COP1: variants seen among roughly 807,000 people sequenced by gnomAD.
COP1 encodes the protein COP1 E3 ubiquitin ligase.
COP1 carries 24 observed loss-of-function variants against 101.3 expected under a neutral mutation model. The observed-to-expected ratio is 0.24, with a 90% CI of 0.17 to 0.33. The LOEUF is 0.33. Ranked by LOEUF, COP1 falls within the 10% of genes least tolerant of loss-of-function variation. The probability of loss-of-function intolerance (pLI) is 1.00; values close to 1 mark genes in which losing one functional copy is unlikely to be tolerated. For synonymous variants in COP1, 347 were observed against 341.9 expected (o/e 1.01, Z -0.17); for missense variants, 663 against 906.2 (o/e 0.73, Z 3.45).
intron 14 of COP1, among the ~76,000 whole-genome samples, chr1:176,029,591 C>T (rs1329328685): frequency 6.6e-6 from 1 of 152,132 alleles, no homozygotes; most frequent in Non-Finnish European, 1.5e-5. Context: ...GTGTCCCATC[C>T]AGGACATTAT....
intron 14 of COP1, among the ~76,000 whole-genome samples, chr1:176,035,188 T>C (rs555694241): frequency 4.0e-5 from 6 of 151,882 alleles, no homozygotes; most frequent in Non-Finnish European, 8.8e-5. Flanking sequence ...TTATACTCCA[T>C]GGGGTAAAAA....
intron 15 of COP1, among the ~76,000 whole-genome samples, chr1:176,005,911 T>C (rs1663063053): frequency 6.6e-6 from 1 of 152,118 alleles, no homozygotes; most frequent in Admixed American, 6.5e-5. Flanking sequence ...CCTTGTTGAC[T>C]TTCTGTCTCG....
chr1:176,033,660 T>TGAA (rs1351479516), intron 14 of COP1, among the ~76,000 whole-genome samples: 1 of 152,204 alleles, frequency 6.6e-6, no homozygotes, highest in Admixed American at 6.5e-5. Flanking sequence ...AATTCCTTTC[T>TGAA]GATTAGCTGC....
At chr1:175,986,023 G>T (rs1455232823) in intron 18 of COP1, among the ~76,000 whole-genome samples, 3 of 151,950 alleles carry the variant, frequency 2.0e-5, no homozygotes, top group African/African-American at 4.8e-5. Context: ...ATAGTAACAA[G>T]AATTATTATT....
rs569164827 is a variant in COP1, at chr1:175,992,354, G to A, written c.1730-2875C>T. 2.6e-5 allele frequency among the ~76,000 whole-genome samples: 4 copies of A among 152,334 alleles called. No homozygotes were observed. In the South Asian group the frequency reaches 8.3e-4, roughly 32 times the overall value. On this transcript the variant is annotated intron_variant, in intron 15 of 19. Transcript: ENST00000367669. ...GGGTGATTTTGCATTTCCATCTGAG[G>A]TACCAGGTTCATCTCACTAGGGAGT...
chr1:175,993,734 T>A (rs1325115658), intron 15 of COP1, among the ~76,000 whole-genome samples: 1 of 152,130 alleles, frequency 6.6e-6, no homozygotes, highest in East Asian at 1.9e-4. Context: ...CCAAGAAATA[T>A]GCGACTATGT....
chr1:176,123,561 C>G (rs945871837), intron 8 of COP1, among the ~76,000 whole-genome samples: 1 of 152,058 alleles, frequency 6.6e-6, no homozygotes, highest in Non-Finnish European at 1.5e-5. Flanking sequence ...ATGGAATTAA[C>G]AGGGAATGGC....
chr1:176,128,964 G>A (rs745662630), intron 8 of COP1, among the ~76,000 whole-genome samples: 5 of 151,820 alleles, frequency 3.3e-5, no homozygotes, highest in Non-Finnish European at 5.9e-5. Flanking sequence ...TATATAAAGA[G>A]TCATCCCTGT....
chr1:176,200,604 CTA>C (rs10537543), intron 1 of COP1, among the ~76,000 whole-genome samples: 1,886 of 152,296 alleles, frequency 0.012, 35 homozygotes, highest in African/African-American at 0.043. Flanking sequence ...CTACTGCATT[CTA>C]TGTTTCACTT....
intron 11 of COP1, among the ~76,000 whole-genome samples, chr1:176,060,494 A>G (rs1674646464): frequency 6.6e-6 from 1 of 152,252 alleles, no homozygotes; most frequent in Non-Finnish European, 1.5e-5. Context: ...ATGTGTGTTT[A>G]GTAAAAGTAC....
chr1:176,077,205 C>G (rs1044065810), intron 11 of COP1, among the ~76,000 whole-genome samples: 2 of 152,072 alleles, frequency 1.3e-5, no homozygotes, highest in Non-Finnish European at 1.5e-5. Flanking sequence ...CCCTCATAAA[C>G]ACAGATACAA....
chr1:176,023,115 C>A (rs1667041527), intron 15 of COP1, among the ~76,000 whole-genome samples: 1 of 152,072 alleles, frequency 6.6e-6, no homozygotes, highest in Admixed American at 6.5e-5. Flanking sequence ...GTGCCACTAG[C>A]TGAGAAATAA....
intron 18 of COP1, among the ~76,000 whole-genome samples, chr1:175,958,085 C>G (rs1479785820): frequency 6.6e-6 from 1 of 151,924 alleles, no homozygotes; most frequent in Non-Finnish European, 1.5e-5. Context: ...GTTGTTATAA[C>G]TGAATTAAGG....
intron 5 of COP1, among the ~76,000 whole-genome samples, chr1:176,157,903 A>G (rs9425447): frequency 0.28 from 42,949 of 152,074 alleles, 6,890 homozygotes; most frequent in East Asian, 0.52. Context: ...AAAATGAACA[A>G]AACTATTCAT....
At chr1:176,139,089 C>T (rs1690244501) in intron 6 of COP1, among the ~76,000 whole-genome samples, 3 of 151,466 alleles carry the variant, frequency 2.0e-5, no homozygotes, top group Admixed American at 1.3e-4. Context: ...AAACAAAAAA[C>T]AAATAACCCC....
intron 14 of COP1, among the ~76,000 whole-genome samples, chr1:176,028,084 G>A (rs1667990111): frequency 6.6e-6 from 1 of 151,944 alleles, no homozygotes; most frequent in Non-Finnish European, 1.5e-5. Context: ...ATTACCACGA[G>A]AACAGTATGG....
chr1:176,191,494 T>C (rs1318687465), intron 1 of COP1, among the ~76,000 whole-genome samples: 1 of 152,070 alleles, frequency 6.6e-6, no homozygotes, highest in African/African-American at 2.4e-5. Flanking sequence ...TTTCCCTTAA[T>C]TTCTTAATTC....
chr1:176,070,883 C>A (rs1217515596), intron 11 of COP1, among the ~76,000 whole-genome samples: 1 of 152,080 alleles, frequency 6.6e-6, no homozygotes. Flanking sequence ...GAACTCTTGG[C>A]CTCAAGCAAT....
chr1:176,081,104 A>C (rs1353392004), intron 11 of COP1, 48 bp downstream of exon 11: 1 of 1,475,126 alleles, frequency 6.8e-7, no homozygotes, highest in Non-Finnish European at 9.3e-7. Flanking sequence ...ATTCAATTAG[A>C]TTCTAGACAT....
Sources: allele counts gnomAD v4.1 joint callset (sites outside exome capture counted in the v4.1 genomes callset), GRCh38; gene constraint gnomAD v4.1.1; transcripts MANE v1.5; gene names NCBI Gene and HGNC (gene_info 2026-07-23, HGNC 2026-07-21).